Variants in NOM1 observed in about 807,000 individuals in gnomAD.
NOM1 encodes nucleolar protein with MIF4G domain 1.
A neutral mutation model predicts 73.3 loss-of-function variants in NOM1; 58 were observed. That is an observed-to-expected ratio of 0.79 (90% CI 0.64 to 0.99). NOM1 has a LOEUF of 0.99. NOM1 is among the 50% of genes least tolerant of loss of function. The pLI, the probability that NOM1 is intolerant of heterozygous loss-of-function variation, is 0.00. For synonymous variants in NOM1, 487 were observed against 446.8 expected (o/e 1.09, Z -1.14); for missense variants, 1,226 against 1,131.9 (o/e 1.08, Z -1.19).
Position 156,954,181 on chromosome 7 carries a change from T to G in NOM1, c.1191T>G (p.Asn397Lys). The change falls in exon 3 of 11, where the codon AAT (asparagine) becomes AAG (lysine). Residue 397 changes from asparagine to lysine, a missense_variant. Transcript: ENST00000275820. ...LYMAHSRKDM[N>K]DTLTSALMGA... Reference sequence around the variant, plus strand: ...TGGCCCACAGCAGAAAGGACATGAATGACACCCTGACCTCCGCTCTCATGG... The same window carrying G: ...TGGCCCACAGCAGAAAGGACATGAAGGACACCCTGACCTCCGCTCTCATGG... 2 of 1,613,808 alleles carry G rather than the reference T, an allele frequency of 1.2e-6. No individual in the cohort carries two copies. Among genetic ancestry groups the G allele is most frequent in the Non-Finnish European group, 1.7e-6 (2 of 1,179,898 alleles).
In NOM1 at chr7:156,950,687, G is replaced by C; in HGVS notation, c.950G>C (p.Ser317Thr). 6.4e-7 allele frequency: 1 copy of C among 1,551,872 alleles called. No homozygotes were observed. The highest frequency in any genetic ancestry group is 8.7e-7 in the Non-Finnish European group (1 of 1,147,050). ...CGTTTTGCAGAAGATGAAGAAAAGA[G>C]TGAAAATTCCTCGGAGGACGGTGAC... ...RVRFAEDEEK[S>T]ENSSEDGDIT... Residue 317 changes from serine (S) to threonine (T), a missense_variant, in exon 1 of 11, where the codon AGT (serine) becomes ACT (threonine). Coordinates refer to ENST00000275820, the MANE Select transcript of NOM1 (RefSeq NM_138400.2).
rs571299241 is a variant in NOM1 at position 156,966,882 on chromosome 7, C to A, written c.2167-79C>A. On this transcript the variant is annotated intron_variant, in intron 8 of 10. Transcript: ENST00000275820. ...TAAAAATAAGATAATAAGAAAATACCTTTAGGTTATGTTGTTAGTGATATA... is the reference window on the plus strand; with the variant it reads ...TAAAAATAAGATAATAAGAAAATACATTTAGGTTATGTTGTTAGTGATATA... 2.1e-6 allele frequency: 3 copies of A among 1,395,892 alleles called. No individual in the cohort carries two copies. The South Asian group carries it at 4.0e-5, about 19-fold the overall frequency. 86.5% of individuals were successfully genotyped at this position (1,395,892 alleles called of 1,614,324 possible). A position where few individuals can be genotyped will look rare whatever the true frequency, so the allele number is the denominator to read the frequency against.
chr7:156,972,993 A>G lies in NOM1; in HGVS notation c.*3290A>G, dbSNP rs988439821. The G allele has an allele frequency of 2.6e-4, 40 of 152,338 alleles. 1 individual carries two copies. Among genetic ancestry groups the G allele is most frequent in the Admixed American group, 2.4e-3 (37 of 15,298 alleles). 9.4% of individuals were successfully genotyped at this position (152,338 alleles called of 1,614,324 possible). On this transcript the variant is annotated 3_prime_UTR_variant, in exon 11 of 11. Coordinates refer to ENST00000275820, the MANE Select transcript of NOM1 (RefSeq NM_138400.2). The stretch of plus-strand genomic sequence containing the variant: ...TACAGTGCAATTGAAAATACACTTA[A>G]AATACTGCAGGATGCTTAGTGCTCA...
chr7:156,949,951 G>C lies in NOM1; in HGVS notation c.214G>C (p.Val72Leu). Residue 72 changes from valine to leucine, a missense_variant, in exon 1 of 11, where the codon GTG (valine) becomes CTG (leucine). By Grantham distance (32) the Val-to-Leu change is conservative (BLOSUM62 1). Coordinates refer to ENST00000275820, the MANE Select transcript of NOM1 (RefSeq NM_138400.2). Reference sequence around the variant, plus strand: ...GGGTTGCGAGGGGCGCGGCGCCCCGGTGAGCTTTCGCCCGGGAGGGAGAAA... The same window carrying C: ...GGGTTGCGAGGGGCGCGGCGCCCCGCTGAGCTTTCGCCCGGGAGGGAGAAA... ...PGGCEGRGAP[V>L]SFRPGGRKSR... 5 of 1,541,628 alleles carry C rather than the reference G, an allele frequency of 3.2e-6. No homozygotes were observed. The highest frequency in any genetic ancestry group is 4.4e-6 in the Non-Finnish European group (5 of 1,146,414).
chr7:156,969,339 C>G, intron 10 of NOM1, 143 bp downstream of exon 10: 3 of 718,804 alleles, frequency 4.2e-6, no homozygotes, highest in South Asian at 1.9e-5. Context: ...TGCATTAGAT[C>G]TGGGGAATAG....
intron 3 of NOM1, among the ~76,000 whole-genome samples, chr7:156,957,151 A>G (rs892761586): frequency 7.2e-5 from 11 of 152,262 alleles, no homozygotes; most frequent in African/African-American, 2.7e-4. Context: ...TGACATCCAC[A>G]GAAACTTCTG....
At position 156,963,022 on chromosome 7, in the gene NOM1, C is replaced by T. The variant is rs1804903210; in HGVS notation, c.1758C>T (p.Gly586=). The T allele has an allele frequency of 6.2e-7, 1 of 1,612,594 alleles. No individual in the cohort carries two copies. The highest frequency in any genetic ancestry group is 1.7e-5 in the Admixed American group (1 of 60,012). ...CTCTTCATCAGGTCCGCAACGCCGGCTCAGGTTCTGAGACGCAGCTTCGCG... is the reference window on the plus strand; with the variant it reads ...CTCTTCATCAGGTCCGCAACGCCGGTTCAGGTTCTGAGACGCAGCTTCGCG... ...KLQRALVRNA[G]SGSETQLRVS... The change falls in exon 6 of 11, where the codon GGC becomes GGT. Residue 586 remains glycine, a synonymous_variant. Transcript: ENST00000275820.
chr7:156,959,404 AT>A (rs33936500), intron 3 of NOM1, among the ~76,000 whole-genome samples: 2 of 150,132 alleles, frequency 1.3e-5, no homozygotes, highest in African/African-American at 2.5e-5. Flanking sequence ...CACCTGGCTA[AT>A]TTTTTTTTGT....
In NOM1 at chr7:156,950,314, C is replaced by G. The variant is rs1563676291; in HGVS notation, c.577C>G (p.Leu193Val). 1.9e-6 allele frequency: 3 copies of G among 1,614,096 alleles called. No homozygotes were observed. The highest frequency in any genetic ancestry group is 8.5e-7 in the Non-Finnish European group (1 of 1,179,942). The stretch of plus-strand genomic sequence containing the variant: ...AGAGATCCGAAAGCTGGAGCGTTGC[C>G]TCGGTTTGAACAAGCGCAAAAAGAA... ...DREIRKLERCLGLNKRKKKDG... is the reference protein window; with the variant it reads ...DREIRKLERCVGLNKRKKKDG... Residue 193 changes from leucine to valine, a missense_variant, in exon 1 of 11, where the codon CTC (leucine) becomes GTC (valine). Leu to Val is a conservative substitution (Grantham distance 32). Coordinates refer to ENST00000275820, the MANE Select transcript of NOM1 (RefSeq NM_138400.2).
rs368168909 is a variant in NOM1 at position 156,950,977 on chromosome 7, A to T, written c.987+253A>T. Among the ~76,000 whole-genome samples, 23 of 152,318 alleles carry T rather than the reference A, an allele frequency of 1.5e-4. No homozygotes were observed. The South Asian group carries it at 3.1e-3, about 21-fold the overall frequency. ...TTAAGGGCCATTTCCACAGTGCAGC[A>T]TCTTCATTCTGTGTTTACCAGCCCA... is the stretch of plus-strand genomic sequence containing the variant. On this transcript the variant is annotated intron_variant, in intron 1 of 10. Coordinates refer to ENST00000275820, the MANE Select transcript of NOM1 (RefSeq NM_138400.2).
In NOM1 at chr7:156,959,866, C is replaced by T. The variant is rs771089233; in HGVS notation, c.1324C>T (p.Leu442=). Residue 442 remains leucine (L), a synonymous_variant, in exon 4 of 11, where the codon CTG becomes TTG. Transcript: ENST00000275820. ...GTTCTTTCAGGTCGGTGCCCACTTT[C>T]TGGAGGCAGTGGTGAGGAAGTTCGA... ...TVGIEVGAHF[L]EAVVRKFDAI... is the part of the protein sequence containing the mutation. The T allele has an allele frequency of 2.5e-6, 4 of 1,613,986 alleles. No homozygotes were observed. In the Admixed American group the frequency reaches 5.0e-5, roughly 20 times the overall value.
rs182793518 is a variant in NOM1 at position 156,963,477 on chromosome 7, C to T, written c.1911+302C>T. 1,595 of 472,362 alleles carry T rather than the reference C, an allele frequency of 3.4e-3. 23 individuals carry two copies. Among genetic ancestry groups the T allele is most frequent in the African/African-American group, 0.028 (1,422 of 51,254 alleles). 29.3% of individuals were successfully genotyped at this position (472,362 alleles called of 1,614,324 possible). ...TCCGTTGCTGAGACCCCTCAGGCTG[C>T]CCCCCGGGCTGTGCATTCTAGGCTA... is the stretch of plus-strand genomic sequence containing the variant. On this transcript the variant is annotated intron_variant, in intron 6 of 10. Transcript: ENST00000275820.
chr7:156,953,957 G>C, intron 2 of NOM1, 146 bp from the exon 3 acceptor site: 1 of 629,024 alleles, frequency 1.6e-6, no homozygotes, highest in Non-Finnish European at 2.7e-6. Context: ...GGGTTATTGG[G>C]GCAAGATAAG....
chr7:156,966,113 TG>T, intron 7 of NOM1, 156 bp from the exon 8 acceptor site: 1 of 811,976 alleles, frequency 1.2e-6, no homozygotes, highest in Non-Finnish European at 2.0e-6. Context: ...GTGACAGGGC[TG>T]GGCCCCTAGC....
Position 156,973,165 on chromosome 7 carries a change from T to G in NOM1, c.*3462T>G, listed in dbSNP as rs1313727004. 6.6e-6 allele frequency: 1 copy of G among 152,174 alleles called. No individual in the cohort carries two copies. Among genetic ancestry groups the G allele is most frequent in the East Asian group, 1.9e-4 (1 of 5,190 alleles). 9.4% of individuals were successfully genotyped at this position (152,174 alleles called of 1,614,324 possible). ...TTGAAATGCATAAATAAAATTTATTTTTTATATTTTGTTTAGAGTAACAGT... is the reference window on the plus strand; with the variant it reads ...TTGAAATGCATAAATAAAATTTATTGTTTATATTTTGTTTAGAGTAACAGT... On this transcript the variant is annotated 3_prime_UTR_variant, in exon 11 of 11. Coordinates refer to ENST00000275820, the MANE Select transcript of NOM1 (RefSeq NM_138400.2).
At chr7:156,966,492 C>T (rs944404147) in intron 8 of NOM1, 90 bp downstream of exon 8, 1 of 1,487,526 alleles carries the variant, frequency 6.7e-7, no homozygotes, top group South Asian at 1.2e-5. Flanking sequence ...AGGAGTTCCC[C>T]AAGTCAGGAG....
In NOM1 at chr7:156,966,215, C is replaced by G. The variant is rs567460128; in HGVS notation, c.2034-55C>G. 6 of 1,601,946 alleles carry G rather than the reference C, an allele frequency of 3.7e-6. No homozygotes were observed. In the African/African-American group the frequency reaches 8.0e-5, roughly 21 times the overall value. On this transcript the variant is annotated intron_variant, in intron 7 of 10. Transcript: ENST00000275820. ...AAGATGTTCCCCTGAAAGGTATCAG[C>G]CATTAAACTTTGGAAGTCGAGTGAT... is the stretch of plus-strand genomic sequence containing the variant.
Position 156,960,905 on chromosome 7 carries a change from G to A in NOM1, c.1632+731G>A, listed in dbSNP as rs79898978. Among the ~76,000 whole-genome samples the A allele has an allele frequency of 8.5e-3, 1,299 of 152,286 alleles. 24 individuals are homozygous for A. Among genetic ancestry groups the A allele is most frequent in the African/African-American group, 0.028 (1,146 of 41,538 alleles). ...CGTGGCAGTGGGTGTGGACATGGGC[G>A]TCAGAAGTGACCAGACCTCATGTGG... On this transcript the variant is annotated intron_variant, in intron 4 of 10. Coordinates refer to ENST00000275820, the MANE Select transcript of NOM1 (RefSeq NM_138400.2).
At chr7:156,957,450 A>G (rs899964898) in intron 3 of NOM1, among the ~76,000 whole-genome samples, 1 of 152,196 alleles carries the variant, frequency 6.6e-6, no homozygotes, top group African/African-American at 2.4e-5. Context: ...TCAGATTTAG[A>G]ATTTTGAGAA....
Sources: allele counts gnomAD v4.1 joint callset (sites outside exome capture counted in the v4.1 genomes callset), GRCh38; gene constraint gnomAD v4.1.1; transcripts MANE v1.5; gene names NCBI Gene and HGNC (gene_info 2026-07-23, HGNC 2026-07-21).